Variants in TANC2 observed in about 807,000 individuals in gnomAD.
The protein encoded by TANC2 is tetratricopeptide repeat, ankyrin repeat and coiled-coil containing 2.
A neutral mutation model predicts 210.5 loss-of-function variants in TANC2; 26 were observed. That is an observed-to-expected ratio of 0.12 (90% confidence interval 0.09 to 0.17). The LOEUF is 0.17. TANC2 is among the 10% of genes least tolerant of loss of function. TANC2 has a pLI of 1.00. For missense variants in TANC2, 2,129 were observed against 2,608.9 expected, an observed-to-expected ratio of 0.82 and a Z score of 4.01; for synonymous variants, 931 against 967.1, an observed-to-expected ratio of 0.96 and a Z score of 0.69.
chr17:63,425,535 T>A (rs2049122536), exon 28 of TANC2: 1 of 152,236 alleles, frequency 6.6e-6, no homozygotes. Context: ...TACAGTGGGC[T>A]ATGTGGATGT....
rs1038517552 is a variant in TANC2 at position 63,189,046 on chromosome 17, T to G, written c.434-4945T>G. Among the ~76,000 whole-genome samples the G allele has an allele frequency of 1.3e-4, 20 of 152,328 alleles. No homozygotes were observed. In the South Asian group the frequency reaches 2.1e-3, roughly 16 times the overall value. On this transcript the variant is annotated intron_variant, in intron 5 of 27. Transcript: ENST00000689528. Reference sequence around the variant, plus strand: ...GAATCACACAATATGTAGTCTTTTGTGTCTGATTTTCTTAGCACAATACTT... The same window carrying G: ...GAATCACACAATATGTAGTCTTTTGGGTCTGATTTTCTTAGCACAATACTT...
Position 62,966,248 on chromosome 17 carries a change from A to C in TANC2, c.-525A>C, listed in dbSNP as rs1188040259. Reference sequence around the variant, plus strand: ...CCCCAGCGCGGCGGCGGCGCTAGCGAGCGGCCGGCGGGGCGCGGGTTGCTG... The same window carrying C: ...CCCCAGCGCGGCGGCGGCGCTAGCGCGCGGCCGGCGGGGCGCGGGTTGCTG... On this transcript the variant is annotated 5_prime_UTR_variant, in exon 1 of 28. Coordinates refer to ENST00000689528, the Ensembl canonical transcript of TANC2. This position sits in a 1 kb window ranked among gnomAD's most constrained non-coding sequence, Gnocchi z 5.1. Among the ~76,000 whole-genome samples, 1 of 145,390 alleles carries C rather than the reference A, an allele frequency of 6.9e-6. No homozygotes were observed. Among genetic ancestry groups the C allele is most frequent in the African/African-American group, 2.5e-5 (1 of 40,554 alleles).
At chr17:63,001,530 CT>C (rs534398376) in intron 1 of TANC2, among the ~76,000 whole-genome samples, 8,370 of 140,026 alleles carry the variant, frequency 0.06, 412 homozygotes, top group African/African-American at 0.14. Flanking sequence ...CTTTTCTTTT[CT>C]TTTTTTTTTT....
At chr17:63,187,047 A>T (rs2041014052) in intron 5 of TANC2, among the ~76,000 whole-genome samples, 1 of 152,236 alleles carries the variant, frequency 6.6e-6, no homozygotes, top group African/African-American at 2.4e-5. Flanking sequence ...GACCCTCTTC[A>T]TATCACCTGG....
chr17:63,271,328 G>A (rs1278133865), intron 9 of TANC2, among the ~76,000 whole-genome samples: 2 of 151,678 alleles, frequency 1.3e-5, no homozygotes, highest in African/African-American at 2.4e-5. Context: ...GCCAACATCT[G>A]TTATATTTTG....
chr17:63,184,623 C>T (rs546489753), intron 5 of TANC2, among the ~76,000 whole-genome samples: 2 of 151,044 alleles, frequency 1.3e-5, no homozygotes, highest in Non-Finnish European at 3.0e-5. Flanking sequence ...AATTTCTGAA[C>T]TTTATATAAA....
chr17:63,029,219 A>G (rs1410331508), intron 2 of TANC2, among the ~76,000 whole-genome samples: 3 of 152,058 alleles, frequency 2.0e-5, no homozygotes, highest in Non-Finnish European at 4.4e-5. Context: ...TTTTGGGATT[A>G]TTTCCTTTTT....
chr17:63,339,228 C>T (rs1161425892), intron 11 of TANC2, among the ~76,000 whole-genome samples: 1 of 152,138 alleles, frequency 6.6e-6, no homozygotes, highest in African/African-American at 2.4e-5. Context: ...GCTGAATCTC[C>T]CCCTTCCAGT....
chr17:63,350,946 A>T (rs963055932), intron 12 of TANC2, among the ~76,000 whole-genome samples: 1 of 151,756 alleles, frequency 6.6e-6, no homozygotes, highest in African/African-American at 2.4e-5. Flanking sequence ...ATTACTTCCC[A>T]TGTGCAAATT....
chr17:63,137,238 A>G (rs2039121593), intron 4 of TANC2, among the ~76,000 whole-genome samples: 1 of 152,228 alleles, frequency 6.6e-6, no homozygotes, highest in South Asian at 2.1e-4. Context: ...AGAGCTTAAA[A>G]GTAAGTTCAG....
intron 14 of TANC2, among the ~76,000 whole-genome samples, chr17:63,361,095 G>A (rs933769314): frequency 3.9e-5 from 6 of 152,184 alleles, no homozygotes; most frequent in African/African-American, 1.4e-4. Flanking sequence ...GAGTAGTGCT[G>A]TAACAAACAT....
chr17:63,093,537 A>G (rs1310035105), intron 3 of TANC2, among the ~76,000 whole-genome samples: 1 of 152,132 alleles, frequency 6.6e-6, no homozygotes, highest in South Asian at 2.1e-4. Flanking sequence ...TCTTGAAATT[A>G]TATACTGTTT....
intron 8 of TANC2, among the ~76,000 whole-genome samples, chr17:63,261,310 G>A (rs760960694): frequency 6.6e-6 from 1 of 152,086 alleles, no homozygotes; most frequent in East Asian, 1.9e-4. Context: ...AAACCTTGAG[G>A]TATCATGGAT....
chr17:63,123,423 A>G (rs2038564767), intron 4 of TANC2, among the ~76,000 whole-genome samples: 1 of 151,716 alleles, frequency 6.6e-6, no homozygotes. Context: ...GCCAGATGTG[A>G]TGGCTGGCGC....
intron 8 of TANC2, among the ~76,000 whole-genome samples, chr17:63,260,704 G>C: frequency 6.6e-6 from 1 of 151,750 alleles, no homozygotes; most frequent in South Asian, 2.1e-4. Flanking sequence ...AGAGGTTGCA[G>C]TGAGCCAAAA....
chr17:63,259,725 A>G (rs181231667), intron 8 of TANC2, among the ~76,000 whole-genome samples: 3 of 152,328 alleles, frequency 2.0e-5, no homozygotes, highest in Admixed American at 6.5e-5. Context: ...TAATATTGCC[A>G]TAATGGTAAC....
At chr17:63,059,531 A>G (rs1394039089) in intron 2 of TANC2, among the ~76,000 whole-genome samples, 3 of 152,072 alleles carry the variant, frequency 2.0e-5, no homozygotes, top group Non-Finnish European at 4.4e-5. Context: ...CCCACTTATT[A>G]TCCAAAATAA....
intron 15 of TANC2, among the ~76,000 whole-genome samples, chr17:63,386,705 A>C (rs1219264649): frequency 6.6e-6 from 1 of 152,196 alleles, no homozygotes; most frequent in African/African-American, 2.4e-5. Context: ...CTAATGTGTT[A>C]ATAGGAGTCA....
chr17:63,413,524 T>C lies in TANC2; in HGVS notation c.3929-19T>C, dbSNP rs771411389. The stretch of plus-strand genomic sequence containing the variant: ...CATTGTATGAGTTTTTTACCCATCA[T>C]GCATCCTGTACACTACAGGTCCAGC... On this transcript the variant is annotated intron_variant, in intron 24 of 27. Transcript: ENST00000689528. 22 of 1,569,062 alleles carry C rather than the reference T, an allele frequency of 1.4e-5. No homozygotes were observed. The South Asian group carries it at 1.4e-4, about 10-fold the overall frequency.
Sources: gnomAD v4.1 joint callset for allele counts (sites outside exome capture counted in the v4.1 genomes callset) on GRCh38, gnomAD v4.1.1 for gene constraint, Gnocchi (gnomAD v3.1) non-coding constraint, MANE v1.5 for transcripts, NCBI Gene and HGNC (gene_info 2026-07-23, HGNC 2026-07-21) for gene names.